Variants in ZNF497 observed in about 807,000 individuals in gnomAD.
ZNF497 encodes zinc finger protein 497, also known as zinc finger-like protein.
For missense variants in ZNF497, 930 were observed against 714.0 expected, an observed-to-expected ratio of 1.30 and a Z score of -3.45; for synonymous variants, 422 against 313.7, an observed-to-expected ratio of 1.35 and a Z score of -3.65.
At position 58,356,101 on chromosome 19, in the gene ZNF497, C is replaced by T; in HGVS notation, c.*38G>A. The stretch of plus-strand genomic sequence containing the variant: ...CACTCACGCCCGAGACCCCGCAATG[C>T]CGTGTGTCCGCGACCTCCCGCTCAG... On this transcript the variant is annotated 3_prime_UTR_variant, in exon 3 of 3. Coordinates refer to ENST00000311044, the MANE Select transcript of ZNF497 (RefSeq NM_198458.3). 6.7e-7 allele frequency: 1 copy of T among 1,497,890 alleles called. No homozygotes were observed. Among genetic ancestry groups the T allele is most frequent in the Non-Finnish European group, 8.9e-7 (1 of 1,129,372 alleles). The allele number at this position is 1,497,890 out of a possible 1,614,324, so 92.8% of individuals were successfully genotyped here.
chr19:58,356,231 G>A lies in ZNF497; in HGVS notation c.1405C>T (p.Pro469Ser), dbSNP rs140376225. The A allele has an allele frequency of 6.1e-4, 986 of 1,607,402 alleles. 12 individuals carry two copies. In the East Asian group the frequency reaches 0.018, roughly 30 times the overall value. Reference protein sequence around the residue: ...SHRRTHTGERPYACGECGKPF... With the variant: ...SHRRTHTGERSYACGECGKPF... ...TTCCCGCACTCGCCGCAAGCGTAGGGCCTCTCGCCCGTGTGCGTGCGCCGG... is the reference window on the plus strand; with the variant it reads ...TTCCCGCACTCGCCGCAAGCGTAGGACCTCTCGCCCGTGTGCGTGCGCCGG... The change falls in exon 3 of 3, where the codon CCC becomes TCC. Residue 469 changes from proline (P) to serine (S), a missense_variant. Coordinates refer to ENST00000311044, the MANE Select transcript of ZNF497 (RefSeq NM_198458.3).
rs778446039 is a variant in ZNF497, at chr19:58,356,265, G to A, written c.1371C>T (p.Leu457=). The A allele has an allele frequency of 4.4e-5, 69 of 1,579,952 alleles. 1 individual carries two copies. The East Asian group carries it at 1.0e-3, about 23-fold the overall frequency. ...CCGTGTGCGTGCGCCGGTGGCTTAA[G>A]AGCTCCGACTTGCGCACGAAGGCCT... The part of the protein sequence containing the change: ...CSKAFVRKSE[L]LSHRRTHTGE... Residue 457 remains leucine (L), a synonymous_variant, in exon 3 of 3, where the codon CTC becomes CTT. Coordinates refer to ENST00000311044, the MANE Select transcript of ZNF497 (RefSeq NM_198458.3).
chr19:58,361,570 T>C (rs554672250), intron 1 of ZNF497, among the ~76,000 whole-genome samples: 1 of 151,874 alleles, frequency 6.6e-6, no homozygotes. Flanking sequence ...TTGCTCAGGC[T>C]GGTCTTTAAC....
chr19:58,357,046 T>G lies in ZNF497; in HGVS notation c.590A>C (p.Lys197Thr), dbSNP rs1183071337. 1.9e-6 allele frequency: 3 copies of G among 1,610,744 alleles called. No homozygotes were observed. The highest frequency in any genetic ancestry group is 1.1e-5 in the South Asian group (1 of 90,858). ...LKPFRCPDCG[K>T]SFGRSTTLVQ... ...CAGCGTGGTGCTTCGGCCGAAGGACTTGCCGCAGTCCGGGCAGCGGAAGGG... is the reference window on the plus strand; with the variant it reads ...CAGCGTGGTGCTTCGGCCGAAGGACGTGCCGCAGTCCGGGCAGCGGAAGGG... Residue 197 changes from lysine to threonine, a missense_variant, in exon 3 of 3, where the codon AAG becomes ACG. Transcript: ENST00000311044.
chr19:58,361,519 C>G (rs146051385), intron 1 of ZNF497, among the ~76,000 whole-genome samples: 293 of 152,092 alleles, frequency 1.9e-3, no homozygotes, highest in African/African-American at 6.6e-3. Context: ...TCCACACCCG[C>G]CTAATTTTTG....
chr19:58,356,040 C>T lies in ZNF497; in HGVS notation c.*99G>A, dbSNP rs1030547954. ...CACTCCCAGCAGGAGGGCGCCCGCA[C>T]CGGCGGCCCGAAAAAGTCTGGGCCA... On this transcript the variant is annotated 3_prime_UTR_variant, in exon 3 of 3. Coordinates refer to ENST00000311044, the MANE Select transcript of ZNF497 (RefSeq NM_198458.3). 3 of 1,369,038 alleles carry T rather than the reference C, an allele frequency of 2.2e-6. No individual in the cohort carries two copies. Among genetic ancestry groups the T allele is most frequent in the Non-Finnish European group, 2.9e-6 (3 of 1,042,422 alleles). The allele number at this position is 1,369,038 out of a possible 1,614,324, so 84.8% of individuals were successfully genotyped here. A position where few individuals can be genotyped will look rare whatever the true frequency, so the allele number is the denominator to read the frequency against.
At chr19:58,359,433 G>GC (rs1377878819) in intron 1 of ZNF497, 1 of 469,412 alleles carries the variant, frequency 2.1e-6, no homozygotes, top group Non-Finnish European at 4.2e-6. Context: ...GGCGTTTCTG[G>GC]CCCCCAGTGT....
At chr19:58,360,696 T>C (rs1332762858) in intron 1 of ZNF497, among the ~76,000 whole-genome samples, 2 of 150,732 alleles carry the variant, frequency 1.3e-5, no homozygotes, top group Admixed American at 6.6e-5. Flanking sequence ...GCCTGGCTTA[T>C]TTTATTTTAT....
chr19:58,357,955 C>T (rs1454509921), intron 2 of ZNF497: 1 of 1,325,252 alleles, frequency 7.5e-7, no homozygotes, highest in South Asian at 1.6e-5. Flanking sequence ...CACGCACCTG[C>T]ACTGGCCCTA....
At chr19:58,361,330 A>C (rs185662518) in intron 1 of ZNF497, among the ~76,000 whole-genome samples, 14 of 152,234 alleles carry the variant, frequency 9.2e-5, no homozygotes, top group Admixed American at 2.6e-4. Flanking sequence ...TCTGCATCTC[A>C]GTTGTGATAT....
At chr19:58,360,971 C>A (rs914946260) in intron 1 of ZNF497, among the ~76,000 whole-genome samples, 1 of 151,548 alleles carries the variant, frequency 6.6e-6, no homozygotes, top group Non-Finnish European at 1.5e-5. Context: ...TTTGGTAGAG[C>A]CGGGGTTTCA....
chr19:58,357,035 G>T lies in ZNF497; in HGVS notation c.601C>A (p.Arg201=). ...RCPDCGKSFG[R]STTLVQHRRT... ...CGGTGCTGCACCAGCGTGGTGCTTC[G>T]GCCGAAGGACTTGCCGCAGTCCGGG... The change falls in exon 3 of 3, where the codon CGA becomes AGA. Residue 201 remains arginine (R), a synonymous_variant. Coordinates refer to ENST00000311044, the MANE Select transcript of ZNF497 (RefSeq NM_198458.3). 1.9e-6 allele frequency: 3 copies of T among 1,610,068 alleles called. No homozygotes were observed. The highest frequency in any genetic ancestry group is 1.7e-6 in the Non-Finnish European group (2 of 1,178,964).
At position 58,356,624 on chromosome 19, in the gene ZNF497, C is replaced by T; in HGVS notation, c.1012G>A (p.Ala338Thr). ...RPFECAECGQ[A>T]FVMGSYLAEH... ...GCCAGGTAGGAGCCCATGACGAAAG[C>T]CTGGCCGCACTCGGCGCACTCGAAG... The change falls in exon 3 of 3, where the codon GCT becomes ACT. Residue 338 changes from alanine to threonine, a missense_variant. Ala to Thr is a moderately conservative substitution (Grantham distance 58). Coordinates refer to ENST00000311044, the MANE Select transcript of ZNF497 (RefSeq NM_198458.3). The T allele has an allele frequency of 1.3e-6, 2 of 1,545,452 alleles. No individual in the cohort carries two copies. Among genetic ancestry groups the T allele is most frequent in the African/African-American group, 1.4e-5 (1 of 72,818 alleles).
At position 58,357,481 on chromosome 19, in the gene ZNF497, C is replaced by G. The variant is rs550668820; in HGVS notation, c.155G>C (p.Gly52Ala). The change falls in exon 3 of 3, where the codon GGG (glycine) becomes GCG (alanine). Residue 52 changes from glycine to alanine, a missense_variant. Coordinates refer to ENST00000311044, the MANE Select transcript of ZNF497 (RefSeq NM_198458.3). ...ENSTEVPREAGDGQRQQATLG... is the reference protein window; with the variant it reads ...ENSTEVPREAADGQRQQATLG... Reference sequence around the variant, plus strand: ...TGTGGCTTGCTGCCGCTGGCCGTCCCCTGCCTCCCTCGGAACCTCCGTGGA... The same window carrying G: ...TGTGGCTTGCTGCCGCTGGCCGTCCGCTGCCTCCCTCGGAACCTCCGTGGA... 9.3e-5 allele frequency: 148 copies of G among 1,594,826 alleles called. No individual in the cohort carries two copies. Among genetic ancestry groups the G allele is most frequent in the Non-Finnish European group, 1.2e-4 (146 of 1,171,134 alleles).
intron 1 of ZNF497, among the ~76,000 whole-genome samples, chr19:58,361,106 C>G (rs2052089144): frequency 1.3e-5 from 2 of 152,042 alleles, no homozygotes; most frequent in South Asian, 2.1e-4. Flanking sequence ...GAACTCTTGA[C>G]CTCAGATGGT....
intron 1 of ZNF497, among the ~76,000 whole-genome samples, chr19:58,361,012 G>A (rs2052087730): frequency 6.6e-6 from 1 of 151,906 alleles, no homozygotes; most frequent in Non-Finnish European, 1.5e-5. Context: ...TCGATCTCCT[G>A]ACCTCGTGAT....
chr19:58,356,827 C>T lies in ZNF497; in HGVS notation c.809G>A (p.Gly270Asp). The change falls in exon 3 of 3, where the codon GGC becomes GAC. Residue 270 changes from glycine (G) to aspartate (D), a missense_variant. Physicochemically the swap from Gly to Asp is moderately conservative, Grantham distance 94. Coordinates refer to ENST00000311044, the MANE Select transcript of ZNF497 (RefSeq NM_198458.3). ...GTCGGGACAGGCGTGTGGCCGTGCGCCCGCGTGGATCTTCAGGTGCTCGGC... is the reference window on the plus strand; with the variant it reads ...GTCGGGACAGGCGTGTGGCCGTGCGTCCGCGTGGATCTTCAGGTGCTCGGC... Reference protein sequence around the residue: ...NLAEHLKIHAGARPHACPDCG... With the variant: ...NLAEHLKIHADARPHACPDCG... The T allele has an allele frequency of 6.4e-7, 1 of 1,572,438 alleles. No individual in the cohort carries two copies. The highest frequency in any genetic ancestry group is 8.6e-7 in the Non-Finnish European group (1 of 1,165,036).
chr19:58,357,142 C>A lies in ZNF497; in HGVS notation c.494G>T (p.Arg165Met). The change falls in exon 3 of 3, where the codon AGG (arginine) becomes ATG (methionine). Residue 165 changes from arginine to methionine, a missense_variant. Arg to Met is a moderately conservative substitution (Grantham distance 91). Coordinates refer to ENST00000311044, the MANE Select transcript of ZNF497 (RefSeq NM_198458.3). ...IHSGEKPYACRECGKAFRAHS... is the reference protein window; with the variant it reads ...IHSGEKPYACMECGKAFRAHS... ...CGCGCGGAAGGCCTTGCCGCACTCC[C>A]TGCAAGCGTAGGGCTTCTCGCCGCT... The A allele has an allele frequency of 6.2e-7, 1 of 1,601,522 alleles. No individual in the cohort carries two copies. The highest frequency in any genetic ancestry group is 1.3e-5 in the African/African-American group (1 of 74,264).
At position 58,356,916 on chromosome 19, in the gene ZNF497, G is replaced by A; in HGVS notation, c.720C>T (p.His240=). 1 of 1,594,956 alleles carries A rather than the reference G, an allele frequency of 6.3e-7. No individual in the cohort carries two copies. The highest frequency in any genetic ancestry group is 8.5e-7 in the Non-Finnish European group (1 of 1,174,736). The change falls in exon 3 of 3, where the codon CAC becomes CAT. Residue 240 remains histidine, a synonymous_variant. Coordinates refer to ENST00000311044, the MANE Select transcript of ZNF497 (RefSeq NM_198458.3). The part of the protein sequence containing the change: ...NSNFLEHRRV[H]TGARPHACRD... ...GGCAGGCGTGCGGCCGCGCGCCCGT[G>A]TGCACGCGCCGGTGCTCCAGGAAAT...
Sources: allele counts gnomAD v4.1 joint callset (sites outside exome capture counted in the v4.1 genomes callset), GRCh38; gene constraint gnomAD v4.1.1; transcripts MANE v1.5; gene names NCBI Gene and HGNC (gene_info 2026-07-23, HGNC 2026-07-21).